The following ARFGEF1 variants were observed in gnomAD, a reference collection of about 807,000 sequenced individuals.
ARFGEF1 encodes the protein ARF guanine nucleotide exchange factor 1, also known as brefeldin A-inhibited guanine nucleotide-exchange protein 1.
A neutral mutation model predicts 231.0 loss-of-function variants in ARFGEF1; 42 were observed. That is an observed-to-expected ratio of 0.18 (90% CI 0.14 to 0.24). The LOEUF (loss-of-function observed/expected upper bound fraction) is 0.24, where lower values mean the gene tolerates loss of function less well. Among genes scored for constraint, ARFGEF1 ranks in the 10% least tolerant of loss-of-function variants. The pLI is 1.00. For synonymous variants in ARFGEF1, 710 were observed against 732.3 expected (o/e 0.97, Z 0.49); for missense variants, 1,345 against 2,192.0 (o/e 0.61, Z 7.72).
At chr8:67,328,015 G>T (rs562339324) in intron 1 of ARFGEF1, among the ~76,000 whole-genome samples, 1 of 152,018 alleles carries the variant, frequency 6.6e-6, no homozygotes, top group Non-Finnish European at 1.5e-5. Flanking sequence ...CAATATTCTA[G>T]AAGAATTTGA....
At chr8:67,261,446 C>A (rs553513084) in intron 14 of ARFGEF1, among the ~76,000 whole-genome samples, 3 of 152,144 alleles carry the variant, frequency 2.0e-5, no homozygotes, top group African/African-American at 4.8e-5. Context: ...AGAAATGGAA[C>A]AACAAAGCCT....
chr8:67,216,434 T>C (rs1182483635), intron 33 of ARFGEF1, among the ~76,000 whole-genome samples, 156 bp downstream of exon 33: 1 of 151,840 alleles, frequency 6.6e-6, no homozygotes, highest in Non-Finnish European at 1.5e-5. Flanking sequence ...CCTTCGTAAT[T>C]GTAAAAAAAA....
intron 23 of ARFGEF1, among the ~76,000 whole-genome samples, chr8:67,228,905 T>C (rs1181941878): frequency 2.6e-5 from 4 of 152,082 alleles, no homozygotes; most frequent in Admixed American, 2.6e-4. Context: ...CCTCCTTTTT[T>C]AAAGTCTGCA....
chr8:67,266,282 G>T, intron 13 of ARFGEF1, 75 bp from the exon 14 acceptor site: 1 of 1,198,750 alleles, frequency 8.3e-7, no homozygotes, highest in Non-Finnish European at 1.2e-6. Flanking sequence ...ACAAATTCTT[G>T]AATAAGGCAA....
chr8:67,252,175 G>C (rs1366755221), intron 18 of ARFGEF1, among the ~76,000 whole-genome samples: 1 of 151,876 alleles, frequency 6.6e-6, no homozygotes, highest in Non-Finnish European at 1.5e-5. Flanking sequence ...GGGAGGCTGA[G>C]GCAGGAGAAT....
At chr8:67,320,081 C>A (rs1807509196) in intron 1 of ARFGEF1, among the ~76,000 whole-genome samples, 1 of 151,562 alleles carries the variant, frequency 6.6e-6, no homozygotes, top group African/African-American at 2.4e-5. Flanking sequence ...ATTAGCTGGG[C>A]CTGGTGTGGC....
At chr8:67,229,488 C>T (rs781165852) in intron 23 of ARFGEF1, among the ~76,000 whole-genome samples, 1 of 152,028 alleles carries the variant, frequency 6.6e-6, no homozygotes, top group Non-Finnish European at 1.5e-5. Context: ...CATGATGACT[C>T]AGAATGTGAA....
At chr8:67,242,509 T>G (rs1839961813) in intron 19 of ARFGEF1, among the ~76,000 whole-genome samples, 1 of 152,084 alleles carries the variant, frequency 6.6e-6, no homozygotes, top group East Asian at 1.9e-4. Flanking sequence ...GATCCCTTAT[T>G]TGCTGACTAA....
intron 1 of ARFGEF1, among the ~76,000 whole-genome samples, chr8:67,311,412 A>G (rs1410246094): frequency 1.1e-5 from 1 of 89,304 alleles, no homozygotes; most frequent in Non-Finnish European, 2.2e-5. Flanking sequence ...TCCGGGAGGG[A>G]GGTGGGGGGT....
intron 1 of ARFGEF1, among the ~76,000 whole-genome samples, chr8:67,334,595 C>G (rs1808258258): frequency 6.6e-6 from 1 of 152,214 alleles, no homozygotes; most frequent in Non-Finnish European, 1.5e-5. Flanking sequence ...GGACAAATAA[C>G]AGTTTACGTC....
At position 67,291,877 on chromosome 8, in the gene ARFGEF1, T is replaced by A. The variant is rs1301394858; in HGVS notation, c.886A>T (p.Thr296Ser). 2 of 1,613,746 alleles carry A rather than the reference T, an allele frequency of 1.2e-6. No homozygotes were observed. The highest frequency in any genetic ancestry group is 2.7e-5 in the African/African-American group (2 of 74,896). The change falls in exon 6 of 39, where the codon ACT (threonine) becomes TCT (serine). Residue 296 changes from threonine to serine, a missense_variant. By Grantham distance (58) the Thr-to-Ser change is moderately conservative (BLOSUM62 1). Coordinates refer to ENST00000262215, the MANE Select transcript of ARFGEF1 (RefSeq NM_006421.5). ...SDISSAENEQ[T>S]EADQATAAET... Reference sequence around the variant, plus strand: ...GCTGCAGTTGCCTGATCAGCTTCAGTCTGTTCATTTTCTGCACTGGAAATA... The same window carrying A: ...GCTGCAGTTGCCTGATCAGCTTCAGACTGTTCATTTTCTGCACTGGAAATA...
rs370434794 is a variant in ARFGEF1 at position 67,228,281 on chromosome 8, A to T, written c.3381-17T>A. 1.9e-6 allele frequency: 3 copies of T among 1,597,434 alleles called. No individual in the cohort carries two copies. The highest frequency in any genetic ancestry group is 2.7e-5 in the African/African-American group (2 of 74,154). The stretch of plus-strand genomic sequence containing the variant: ...GTGAATATTCTAGGGAAAATAAAAC[A>T]CAATTTAAAAAATTTATAAGTTACT... On this transcript the variant is annotated splice_polypyrimidine_tract_variant and intron_variant, in intron 23 of 38. Transcript: ENST00000262215.
At chr8:67,193,590 C>T (rs181079660), downstream of ARFGEF1, 123 of 1,613,210 alleles carry the variant, frequency 7.6e-5, no homozygotes, top group Middle Eastern at 6.6e-4. Context: ...TCACAATAAA[C>T]CTATTAATAC....
chr8:67,198,048 T>A lies in ARFGEF1; in HGVS notation c.*886A>T. 1 of 985,870 alleles carries A rather than the reference T, an allele frequency of 1.0e-6. No homozygotes were observed. The highest frequency in any genetic ancestry group is 1.2e-6 in the Non-Finnish European group (1 of 829,928). 61.1% of individuals were successfully genotyped at this position (985,870 alleles called of 1,614,324 possible). A position where few individuals can be genotyped will look rare whatever the true frequency, so the allele number is the denominator to read the frequency against. ...CAATCTGGATTCATTTTGCAGTGATTCAAGTTTTGGTCCATAAAGGATCAT... is the reference window on the plus strand; with the variant it reads ...CAATCTGGATTCATTTTGCAGTGATACAAGTTTTGGTCCATAAAGGATCAT... On this transcript the variant is annotated 3_prime_UTR_variant, in exon 39 of 39. Coordinates refer to ENST00000262215, the MANE Select transcript of ARFGEF1 (RefSeq NM_006421.5).
At chr8:67,257,495 T>C (rs1360100850) in intron 17 of ARFGEF1, among the ~76,000 whole-genome samples, 2 of 152,228 alleles carry the variant, frequency 1.3e-5, no homozygotes, top group East Asian at 1.9e-4. Context: ...TTAAGCTTTA[T>C]ACAGTTGTCA....
intron 28 of ARFGEF1, 140 bp from the exon 29 acceptor site, chr8:67,225,173 C>T (rs1051159408): frequency 1.5e-5 from 12 of 797,914 alleles, no homozygotes; most frequent in Admixed American, 3.8e-5. Flanking sequence ...AAAAAATGGA[C>T]ACTATAACTG....
chr8:67,275,375 T>C (rs1587191425), intron 9 of ARFGEF1, among the ~76,000 whole-genome samples: 1 of 152,082 alleles, frequency 6.6e-6, no homozygotes, highest in East Asian at 1.9e-4. Context: ...TTTAATCTAA[T>C]ATATTTCATG....
chr8:67,331,748 A>G (rs1808109712), intron 1 of ARFGEF1, among the ~76,000 whole-genome samples: 2 of 152,144 alleles, frequency 1.3e-5, no homozygotes, highest in Non-Finnish European at 2.9e-5. Context: ...AAAAAAATGC[A>G]AAGGAAAGAT....
Position 67,190,687 on chromosome 8 carries a change from C to T in ARFGEF1, c.560+9709G>A, listed in dbSNP as rs769247285. On this transcript the variant is annotated intron_variant, in intron 5 of 5. Transcript: ENST00000518789. The stretch of plus-strand genomic sequence containing the variant: ...AGACATATCCTGCCATTGAAGATGA[C>T]GTCCTCCCTCCACCATCACAGTTGC... 1.2e-5 allele frequency: 20 copies of T among 1,613,976 alleles called. No homozygotes were observed. The highest frequency in any genetic ancestry group is 2.2e-5 in the South Asian group (2 of 91,084).
Sources: gnomAD v4.1 joint callset for allele counts (sites outside exome capture counted in the v4.1 genomes callset) on GRCh38, gnomAD v4.1.1 for gene constraint, MANE v1.5 for transcripts, NCBI Gene and HGNC (gene_info 2026-07-23, HGNC 2026-07-21) for gene names.